Variants in COL4A4 observed in about 807,000 individuals in gnomAD.
COL4A4 encodes collagen alpha-4(IV) chain.
COL4A4 carries 105 observed loss-of-function variants against 192.9 expected under a neutral mutation model. That is an observed-to-expected ratio of 0.54 (90% CI 0.46 to 0.64). The LOEUF (loss-of-function observed/expected upper bound fraction) is 0.64. Ranked by LOEUF, COL4A4 falls within the 30% of genes least tolerant of loss-of-function variation. The probability of loss-of-function intolerance (pLI) is 0.00; values close to 1 mark genes in which losing one functional copy is unlikely to be tolerated. For missense variants in COL4A4, 1,967 were observed against 2,169.3 expected (o/e 0.91, Z 1.85); for synonymous variants, 762 against 769.9 (o/e 0.99, Z 0.17).
At chr2:227,086,672 A>G (rs1228050669) in intron 22 of COL4A4, among the ~76,000 whole-genome samples, 1 of 152,188 alleles carries the variant, frequency 6.6e-6, no homozygotes. Flanking sequence ...CTTAGCCATG[A>G]TAACCCTAGA....
the COL4A4 span, among the ~76,000 whole-genome samples, chr2:226,983,159 C>G: frequency 1.3e-5 from 2 of 152,186 alleles, no homozygotes; most frequent in Admixed American, 1.3e-4. Context: ...TGTGGGCATC[C>G]AGCTCACTTG....
At chr2:227,041,848 G>GAAAA (rs1243663359) in intron 37 of COL4A4, among the ~76,000 whole-genome samples, 2 of 38,692 alleles carry the variant, frequency 5.2e-5, no homozygotes, top group Non-Finnish European at 9.5e-5. Flanking sequence ...AAGAAAGAAA[G>GAAAA]AGAAAGAAAG....
chr2:227,081,682 G>A (rs753274741), intron 23 of COL4A4, among the ~76,000 whole-genome samples: 12 of 151,910 alleles, frequency 7.9e-5, no homozygotes, highest in Non-Finnish European at 1.5e-4. Context: ...CTGTCCCTGG[G>A]GAACTCTTAC....
rs1390572724 is a variant in COL4A4, at chr2:227,003,896, T to C, written c.*3429A>G. On this transcript the variant is annotated 3_prime_UTR_variant, in exon 48 of 48. Transcript: ENST00000396625. ...ATTTTGAAAGCTTATCAATTGGCTT[T>C]CTGGCAATAATTGTAACAAGAGAAT... 1 of 152,230 alleles carries C rather than the reference T, an allele frequency of 6.6e-6. No homozygotes were observed. Among genetic ancestry groups the C allele is most frequent in the Non-Finnish European group, 1.5e-5 (1 of 68,036 alleles). 9.4% of individuals were successfully genotyped at this position (152,230 alleles called of 1,614,324 possible). A position where few individuals can be genotyped will look rare whatever the true frequency, so the allele number is the denominator to read the frequency against.
intron 4 of COL4A4, among the ~76,000 whole-genome samples, chr2:227,138,797 T>C (rs954646874): frequency 2.0e-5 from 3 of 152,190 alleles, no homozygotes; most frequent in Non-Finnish European, 4.4e-5. Context: ...AGGAACCCAT[T>C]GCACACCTGC....
At chr2:227,081,176 T>C (rs1352128389) in intron 23 of COL4A4, among the ~76,000 whole-genome samples, 1 of 152,116 alleles carries the variant, frequency 6.6e-6, no homozygotes. Context: ...AGGGTTGTTG[T>C]TGGGTGTGTC....
intron 47 of COL4A4, 147 bp from the exon 48 acceptor site, chr2:227,007,735 T>C: frequency 2.6e-6 from 3 of 1,168,680 alleles, no homozygotes; most frequent in Non-Finnish European, 3.6e-6. Flanking sequence ...TGAAAAGGAG[T>C]CGTACTCAGC....
rs55915150 is a variant in COL4A4, at chr2:227,057,296, A to T, written c.2545+143T>A. 0.015 allele frequency: 14,761 copies of T among 986,508 alleles called. 151 individuals carry two copies. The highest frequency in any genetic ancestry group is 0.019 in the Non-Finnish European group (12,684 of 657,818). The allele number at this position is 986,508 out of a possible 1,614,324, so 61.1% of individuals were successfully genotyped here. Reference sequence around the variant, plus strand: ...TGACATGGGGGAAGTGATGCAAACCAACATGAAACTCATGAGTAACGAAGT... The same window carrying T: ...TGACATGGGGGAAGTGATGCAAACCTACATGAAACTCATGAGTAACGAAGT... On this transcript the variant is annotated intron_variant, in intron 29 of 47. Transcript: ENST00000396625.
chr2:227,114,296 T>G (rs114370141), intron 8 of COL4A4, among the ~76,000 whole-genome samples: 5,290 of 152,222 alleles, frequency 0.035, 301 homozygotes, highest in African/African-American at 0.12. Context: ...GGCCAGGGAT[T>G]CTGCTCAACA....
chr2:227,023,616 G>A (rs1966442741), intron 43 of COL4A4, among the ~76,000 whole-genome samples: 1 of 152,184 alleles, frequency 6.6e-6, no homozygotes, highest in African/African-American at 2.4e-5. Flanking sequence ...AAGGCTCACT[G>A]AATGCTTTAT....
the COL4A4 span, among the ~76,000 whole-genome samples, chr2:226,990,886 T>G: frequency 1.3e-5 from 2 of 152,290 alleles, no homozygotes; most frequent in Non-Finnish European, 2.9e-5. Context: ...ACTCATATTC[T>G]CTACCAAGTT....
At chr2:227,104,942 A>G (rs892544647) in intron 12 of COL4A4, among the ~76,000 whole-genome samples, 9 of 151,744 alleles carry the variant, frequency 5.9e-5, no homozygotes, top group South Asian at 2.1e-4. Flanking sequence ...CACCCGGCCT[A>G]TTAAAACTTT....
At chr2:227,084,264 T>A (rs10206634) in intron 22 of COL4A4, among the ~76,000 whole-genome samples, 40,451 of 152,106 alleles carry the variant, frequency 0.27, 6,595 homozygotes, top group South Asian at 0.4. Flanking sequence ...GAAAATGCCC[T>A]TCTGAAGAAT....
intron 1 of COL4A4, among the ~76,000 whole-genome samples, chr2:227,147,847 A>G (rs2063650565): frequency 6.7e-6 from 1 of 148,628 alleles, no homozygotes; most frequent in African/African-American, 2.4e-5. Context: ...ATTTTTAAAT[A>G]TAAAATATAT....
At chr2:227,015,365 G>A (rs1268762909) in intron 44 of COL4A4, among the ~76,000 whole-genome samples, 3 of 152,138 alleles carry the variant, frequency 2.0e-5, no homozygotes, top group Non-Finnish European at 2.9e-5. Context: ...CAGCACCTGG[G>A]AATATGTTAG....
At chr2:227,116,162 G>A (rs532500316) in intron 7 of COL4A4, among the ~76,000 whole-genome samples, 56 of 152,302 alleles carry the variant, frequency 3.7e-4, no homozygotes, top group Admixed American at 1.2e-3. Flanking sequence ...ACGTAACAAT[G>A]TATTGGAAAA....
intron 25 of COL4A4, among the ~76,000 whole-genome samples, chr2:227,077,388 G>A (rs1417074527): frequency 1.3e-5 from 2 of 152,082 alleles, no homozygotes; most frequent in African/African-American, 4.8e-5. Flanking sequence ...CACTAACACA[G>A]GAACAGAAAA....
rs1343446001 is a variant in COL4A4, at chr2:227,008,031, T to G, written c.4796A>C (p.Tyr1599Ser). The change falls in exon 47 of 48, where the codon TAT (tyrosine) becomes TCT (serine). Residue 1599 changes from tyrosine to serine, a missense_variant. Transcript: ENST00000396625. ...PQTWRSLWIGYSFLMHTGAGD... is the reference protein window; with the variant it reads ...PQTWRSLWIGSSFLMHTGAGD... Reference sequence around the variant, plus strand: ...CACGGGACTCACCATCAGGAATGAATACCCGATCCAGAGGCTCCTCCAGGT... The same window carrying G: ...CACGGGACTCACCATCAGGAATGAAGACCCGATCCAGAGGCTCCTCCAGGT... The G allele has an allele frequency of 6.2e-7, 1 of 1,611,738 alleles. No homozygotes were observed. The highest frequency in any genetic ancestry group is 8.5e-7 in the Non-Finnish European group (1 of 1,180,020).
Position 227,006,231 on chromosome 2 carries a change from C to T in COL4A4, c.*1094G>A, listed in dbSNP as rs1036587655. ...ATTAAATCGGCCCTTAATTTTCTCC[C>T]AAGTGCATAATGATAGCTCTGTCAC... On this transcript the variant is annotated 3_prime_UTR_variant, in exon 48 of 48. Coordinates refer to ENST00000396625, the MANE Select transcript of COL4A4 (RefSeq NM_000092.5). The T allele has an allele frequency of 5.9e-5, 9 of 152,604 alleles. No individual in the cohort carries two copies. The highest frequency in any genetic ancestry group is 2.2e-4 in the African/African-American group (9 of 41,434). The allele number at this position is 152,604 out of a possible 1,614,324, so 9.5% of individuals were successfully genotyped here. A position where few individuals can be genotyped will look rare whatever the true frequency, so the allele number is the denominator to read the frequency against.
Sources: gnomAD v4.1 joint callset for allele counts (sites outside exome capture counted in the v4.1 genomes callset) on GRCh38, gnomAD v4.1.1 for gene constraint, MANE v1.5 for transcripts, NCBI Gene and HGNC (gene_info 2026-07-23, HGNC 2026-07-21) for gene names.